PHF14: variants seen among roughly 807,000 people sequenced by gnomAD.
The protein encoded by PHF14 is PHD finger protein 14.
PHF14 carries 55 observed loss-of-function variants against 117.9 expected under a neutral mutation model. That is an observed-to-expected ratio of 0.47 (90% CI 0.38 to 0.58). The LOEUF is 0.58. Ranked by LOEUF, PHF14 falls within the 20% of genes least tolerant of loss-of-function variation. PHF14 has a pLI of 0.00. For synonymous variants in PHF14, 409 were observed against 368.6 expected (o/e 1.11, Z -1.26); for missense variants, 978 against 1,122.2 (o/e 0.87, Z 1.84).
chr7:11,062,723 C>G, intron 16 of PHF14: 6 of 985,136 alleles, frequency 6.1e-6, no homozygotes, highest in Non-Finnish European at 6.0e-6. Flanking sequence ...CTTTTCCCAA[C>G]GGTCCAGAGG....
intron 3 of PHF14, among the ~76,000 whole-genome samples, chr7:10,987,890 C>A (rs1361319835): frequency 6.6e-6 from 1 of 151,348 alleles, no homozygotes; most frequent in Non-Finnish European, 1.5e-5. Flanking sequence ...GTGGTACATA[C>A]CTGTAATCCC....
intron 16 of PHF14, among the ~76,000 whole-genome samples, chr7:11,095,595 T>C (rs1427785174): frequency 3.3e-5 from 5 of 152,174 alleles, no homozygotes; most frequent in African/African-American, 9.7e-5. Flanking sequence ...GAGAATCAAT[T>C]CTTAATACTC....
chr7:11,104,206 C>T (rs1335450619), intron 16 of PHF14: 5 of 982,480 alleles, frequency 5.1e-6, no homozygotes, highest in Middle Eastern at 5.2e-4. Context: ...ACTATATTAT[C>T]ATCATTTTCC....
rs182547925 is a variant in PHF14 at position 11,030,092 on chromosome 7, T to A, written c.1455+1274T>A. 2.8e-3 allele frequency among the ~76,000 whole-genome samples: 429 copies of A among 151,118 alleles called. 4 individuals carry two copies. Among genetic ancestry groups the A allele is most frequent in the African/African-American group, 0.01 (414 of 41,112 alleles). On this transcript the variant is annotated intron_variant, in intron 7 of 17. Coordinates refer to ENST00000634607, the MANE Select transcript of PHF14 (RefSeq NM_001007157.2). ...CTTCATTTATATAGCTGTTCCAGTC[T>A]CTTGATTTTAAGGAATTGTACTTTG... is the stretch of plus-strand genomic sequence containing the variant.
At position 10,982,826 on chromosome 7, in the gene PHF14, A is replaced by T; in HGVS notation, c.567A>T (p.Arg189=). 1 of 1,613,900 alleles carries T rather than the reference A, an allele frequency of 6.2e-7. No homozygotes were observed. The highest frequency in any genetic ancestry group is 1.1e-5 in the South Asian group (1 of 91,078). Residue 189 remains arginine (R), a synonymous_variant, in exon 3 of 18, where the codon CGA becomes CGT. Coordinates refer to ENST00000634607, the MANE Select transcript of PHF14 (RefSeq NM_001007157.2). ...EPKKWNLRRN[R]PLLDFVSMEE... is the part of the protein sequence containing the mutation. ...AAAAATGGAACCTTCGACGAAACCGACCACTTCTGGATTTTGTGTCCATGG... is the reference window on the plus strand; with the variant it reads ...AAAAATGGAACCTTCGACGAAACCGTCCACTTCTGGATTTTGTGTCCATGG...
At chr7:11,014,464 C>T (rs1318812721) in intron 5 of PHF14, among the ~76,000 whole-genome samples, 1 of 152,070 alleles carries the variant, frequency 6.6e-6, no homozygotes, top group Non-Finnish European at 1.5e-5. Context: ...GGGGTTCAGG[C>T]TTTGTTGGAG....
At chr7:10,987,631 T>C (rs1225293952) in intron 3 of PHF14, among the ~76,000 whole-genome samples, 1 of 152,172 alleles carries the variant, frequency 6.6e-6, no homozygotes, top group African/African-American at 2.4e-5. Flanking sequence ...AATAAAGTTA[T>C]TTTCTAGGTG....
At chr7:11,064,967 G>A (rs1012645896) in intron 16 of PHF14, among the ~76,000 whole-genome samples, 2 of 152,044 alleles carry the variant, frequency 1.3e-5, no homozygotes, top group African/African-American at 4.8e-5. Flanking sequence ...ATACATGTAT[G>A]TGTGCATTGA....
At chr7:10,992,303 C>G (rs111748045) in intron 4 of PHF14, among the ~76,000 whole-genome samples, 90 of 151,330 alleles carry the variant, frequency 5.9e-4, no homozygotes, top group African/African-American at 2.1e-3. Context: ...ATCCACCCGA[C>G]TCAGCTTCCC....
chr7:11,130,382 A>T lies in PHF14; in HGVS notation c.2772+18915A>T, dbSNP rs796240093. Among the ~76,000 whole-genome samples, 1 of 151,954 alleles carries T rather than the reference A, an allele frequency of 6.6e-6. No homozygotes were observed. The highest frequency in any genetic ancestry group is 2.4e-5 in the African/African-American group (1 of 41,404). ...TTGGAGAGAGAGAGAACGTATATAC[A>T]ATTTATATGGGGGAAACTGCATAAT... is the stretch of plus-strand genomic sequence containing the variant. On this transcript the variant is annotated intron_variant, in intron 17 of 17. Transcript: ENST00000634607. The surrounding 1 kb of genome is among the most constrained non-coding windows in gnomAD (Gnocchi z 4.2).
chr7:11,043,855 T>C (rs1246494096), intron 13 of PHF14, among the ~76,000 whole-genome samples: 2 of 152,054 alleles, frequency 1.3e-5, no homozygotes, highest in African/African-American at 4.8e-5. Context: ...AGTTTGATAG[T>C]CTCCAGAGCC....
At chr7:11,122,439 A>G (rs1299737746) in intron 17 of PHF14, among the ~76,000 whole-genome samples, 1 of 125,508 alleles carries the variant, frequency 8.0e-6, no homozygotes, top group East Asian at 2.6e-4. Flanking sequence ...GTATATATAT[A>G]TACGTATATA....
chr7:11,153,420 G>A (rs984016713), intron 17 of PHF14, among the ~76,000 whole-genome samples: 12 of 152,046 alleles, frequency 7.9e-5, no homozygotes, highest in African/African-American at 1.9e-4. Flanking sequence ...TTAGGGTTGG[G>A]AATCAAGAAT....
In PHF14 at chr7:11,075,002, A is replaced by G. The variant is rs117038122; in HGVS notation, c.2654+12917A>G. Among the ~76,000 whole-genome samples, 624 of 138,370 alleles carry G rather than the reference A, an allele frequency of 4.5e-3. 27 individuals are homozygous for G. The East Asian group carries it at 0.11, about 24-fold the overall frequency. The allele number at this position is 138,370 out of a possible 152,430, so 90.8% of individuals were successfully genotyped here. On this transcript the variant is annotated intron_variant, in intron 16 of 17. Coordinates refer to ENST00000634607, the MANE Select transcript of PHF14 (RefSeq NM_001007157.2). Reference sequence around the variant, plus strand: ...ACCCATGCTGGAGTGCAGTGGCATGATTTTCGTTTACTGCAACCCCCATCT... The same window carrying G: ...ACCCATGCTGGAGTGCAGTGGCATGGTTTTCGTTTACTGCAACCCCCATCT...
intron 12 of PHF14, among the ~76,000 whole-genome samples, chr7:11,041,837 T>C (rs1180657867): frequency 6.6e-6 from 1 of 151,706 alleles, no homozygotes; most frequent in East Asian, 1.9e-4. Context: ...ACTGGTTATT[T>C]ATTTATTTAT....
chr7:11,101,399 A>G (rs574624477), intron 16 of PHF14, among the ~76,000 whole-genome samples: 3 of 151,668 alleles, frequency 2.0e-5, no homozygotes, highest in Admixed American at 6.6e-5. Context: ...TAAACTACAG[A>G]CAAAGTAGTT....
At chr7:11,012,295 A>ACAGT (rs1475818003) in intron 4 of PHF14, among the ~76,000 whole-genome samples, 1 of 152,144 alleles carries the variant, frequency 6.6e-6, no homozygotes, top group African/African-American at 2.4e-5. Flanking sequence ...CTTTAAATAT[A>ACAGT]CAGTCACCCC....
At chr7:11,063,616 A>T (rs1785317106) in intron 16 of PHF14, 1 of 973,802 alleles carries the variant, frequency 1.0e-6, no homozygotes, top group African/African-American at 1.8e-5. Context: ...TTAATATGAG[A>T]TTGATTGAGG....
chr7:11,114,029 G>C (rs1787523720), intron 17 of PHF14, among the ~76,000 whole-genome samples: 1 of 152,036 alleles, frequency 6.6e-6, no homozygotes, highest in Admixed American at 6.6e-5. Context: ...GGGTATATTT[G>C]CCATGTTCAT....
Sources: allele counts gnomAD v4.1 joint callset (sites outside exome capture counted in the v4.1 genomes callset), GRCh38; gene constraint gnomAD v4.1.1; non-coding constraint Gnocchi (gnomAD v3.1); transcripts MANE v1.5; gene names NCBI Gene and HGNC (gene_info 2026-07-23, HGNC 2026-07-21).